The following TNFRSF10C variants were observed in gnomAD, a reference collection of about 807,000 sequenced individuals.
TNFRSF10C encodes tumor necrosis factor receptor superfamily member 10C.
Under a neutral mutation model 16.7 loss-of-function variants are expected in TNFRSF10C, and 17 were observed. The observed-to-expected ratio is 1.02, with a 90% confidence interval of 0.70 to 1.53. TNFRSF10C has a LOEUF of 1.53. TNFRSF10C is among the 40% of genes most tolerant of loss of function. TNFRSF10C has a pLI of 0.00. For missense variants in TNFRSF10C, 237 were observed against 329.7 expected (o/e 0.72, Z 2.18); for synonymous variants, 73 against 119.7 (o/e 0.61, Z 2.55).
In TNFRSF10C at chr8:23,115,499, T is replaced by G. The variant is rs1813963007; in HGVS notation, c.281-9T>G. On this transcript the variant is annotated splice_polypyrimidine_tract_variant and intron_variant, in intron 3 of 4. Coordinates refer to ENST00000356864, the MANE Select transcript of TNFRSF10C (RefSeq NM_003841.5). ...AACACATTCCCAAAACCTTATGCTCTGTTGTCAGATCAAAAACATAAAAGT... is the reference window on the plus strand; with the variant it reads ...AACACATTCCCAAAACCTTATGCTCGGTTGTCAGATCAAAAACATAAAAGT... 3.1e-6 allele frequency: 5 copies of G among 1,610,790 alleles called. No homozygotes were observed. The highest frequency in any genetic ancestry group is 4.2e-6 in the Non-Finnish European group (5 of 1,177,738).
At chr8:23,112,277 A>G (rs1429412493) in intron 2 of TNFRSF10C, among the ~76,000 whole-genome samples, 1 of 152,228 alleles carries the variant, frequency 6.6e-6, no homozygotes, top group Non-Finnish European at 1.5e-5. Flanking sequence ...GTTTTATGCA[A>G]TACTATCCCA....
intron 4 of TNFRSF10C, among the ~76,000 whole-genome samples, chr8:23,116,019 AT>A (rs992860155): frequency 5.3e-5 from 8 of 152,120 alleles, no homozygotes; most frequent in African/African-American, 1.7e-4. Context: ...TCTTTTTAAT[AT>A]TTTTTATGCA....
At position 23,103,067 on chromosome 8, in the gene TNFRSF10C, T is replaced by G; in HGVS notation, c.-55T>G. 6.3e-7 allele frequency: 1 copy of G among 1,589,506 alleles called. No homozygotes were observed. Among genetic ancestry groups the G allele is most frequent in the Non-Finnish European group, 8.6e-7 (1 of 1,168,616 alleles). On this transcript the variant is annotated 5_prime_UTR_variant, in exon 1 of 5. Transcript: ENST00000356864. ...CTGGGGACAGAGCGCCCCGGCCGCC[T>G]GATGGCCGAGGCAGGGTGCGACCCA...
intron 1 of TNFRSF10C, 164 bp downstream of exon 1, chr8:23,103,345 C>T (rs867254142): frequency 7.6e-7 from 1 of 1,319,760 alleles, no homozygotes; most frequent in South Asian, 1.3e-5. Context: ...ACTGGGTCCC[C>T]GGGCTGGGCA....
At chr8:23,111,617 C>T (rs1287731804) in intron 1 of TNFRSF10C, 103 bp from the exon 2 acceptor site, 1 of 893,822 alleles carries the variant, frequency 1.1e-6, no homozygotes, top group South Asian at 1.4e-5. Context: ...AATGTCCAAG[C>T]TCTGATGGGT....
rs186114162 is a variant in TNFRSF10C, at chr8:23,117,163, C to T, written c.*132C>T. On this transcript the variant is annotated 3_prime_UTR_variant, in exon 5 of 5. Coordinates refer to ENST00000356864, the MANE Select transcript of TNFRSF10C (RefSeq NM_003841.5). ...GTTCCCACAGACAGAAACGCCTGCC[C>T]CTGCCCCAAGTCCTGGTGTCTCCAG... 20 of 1,380,176 alleles carry T rather than the reference C, an allele frequency of 1.4e-5. No individual in the cohort carries two copies. The African/African-American group carries it at 2.7e-4, about 19-fold the overall frequency. The allele number at this position is 1,380,176 out of a possible 1,614,324, so 85.5% of individuals were successfully genotyped here. A position where few individuals can be genotyped will look rare whatever the true frequency, so the allele number is the denominator to read the frequency against.
intron 1 of TNFRSF10C, among the ~76,000 whole-genome samples, chr8:23,109,634 C>CA (rs57125788): frequency 2.3e-4 from 32 of 140,002 alleles, no homozygotes; most frequent in South Asian, 6.8e-4. Context: ...GACTCCATCT[C>CA]AAAAAAAAAA....
chr8:23,108,962 G>GAAC (rs144796506), intron 1 of TNFRSF10C, among the ~76,000 whole-genome samples: 17,094 of 152,096 alleles, frequency 0.11, 1,227 homozygotes, highest in East Asian at 0.33. Flanking sequence ...TTTTGATATT[G>GAAC]AACAACACAC....
At position 23,116,998 on chromosome 8, in the gene TNFRSF10C, A is replaced by G. The variant is rs1451212615; in HGVS notation, c.747A>G (p.Ile249Met). ...TCTCATGCACCATCGTAGGGATCATAGTTCTAATTGTGCTTCTGATTGTGT... is the reference window on the plus strand; with the variant it reads ...TCTCATGCACCATCGTAGGGATCATGGTTCTAATTGTGCTTCTGATTGTGT... ...HYLSCTIVGI[I>M]VLIVLLIVFV The change falls in exon 5 of 5, where the codon ATA (isoleucine) becomes ATG (methionine). Residue 249 changes from isoleucine to methionine, a missense_variant. Ile to Met is a conservative substitution (Grantham distance 10). Coordinates refer to ENST00000356864, the MANE Select transcript of TNFRSF10C (RefSeq NM_003841.5). The G allele has an allele frequency of 6.2e-7, 1 of 1,613,982 alleles. No homozygotes were observed. Among genetic ancestry groups the G allele is most frequent in the African/African-American group, 1.3e-5 (1 of 74,900 alleles).
At chr8:23,114,892 T>C in intron 3 of TNFRSF10C, 122 bp downstream of exon 3, 1 of 735,374 alleles carries the variant, frequency 1.4e-6, no homozygotes. Flanking sequence ...CCCTGTTCTA[T>C]GATTATATAT....
In TNFRSF10C at chr8:23,103,021, G is replaced by A; in HGVS notation, c.-101G>A. 1 of 1,556,100 alleles carries A rather than the reference G, an allele frequency of 6.4e-7. No individual in the cohort carries two copies. Among genetic ancestry groups the A allele is most frequent in the East Asian group, 2.4e-5 (1 of 41,752 alleles). ...CCAGAGATGCAAGGGGTGAAGGAGC[G>A]CTTCCTACCGTTAGGGAACTCTGGG... On this transcript the variant is annotated 5_prime_UTR_variant, in exon 1 of 5. Transcript: ENST00000356864.
At chr8:23,103,474 A>T (rs1287080359) in intron 1 of TNFRSF10C, 1 of 560,372 alleles carries the variant, frequency 1.8e-6, no homozygotes, top group African/African-American at 1.9e-5. Flanking sequence ...CCATAGAGTG[A>T]GCCTCCTGAA....
chr8:23,104,498 T>G (rs1185071248), intron 1 of TNFRSF10C, among the ~76,000 whole-genome samples: 925 of 152,272 alleles, frequency 6.1e-3, no homozygotes, highest in African/African-American at 0.019. Context: ...CTAAATACCC[T>G]TGTATGTATC....
intron 3 of TNFRSF10C, among the ~76,000 whole-genome samples, chr8:23,115,126 G>C (rs576642743): frequency 3.9e-5 from 6 of 151,984 alleles, no homozygotes; most frequent in Non-Finnish European, 8.8e-5. Flanking sequence ...GCCTCACTCA[G>C]CCTTCAGGTT....
intron 1 of TNFRSF10C, 55 bp downstream of exon 1, chr8:23,103,236 G>GGGCAGGGAGACGGGGACAC: frequency 6.3e-7 from 1 of 1,584,350 alleles, no homozygotes; most frequent in South Asian, 1.1e-5. Context: ...CGCCGGGAGG[G>GGGCAGGGAGACGGGGACAC]GGCAGGGAGA....
chr8:23,104,868 T>C (rs1410055021), intron 1 of TNFRSF10C, among the ~76,000 whole-genome samples: 1 of 152,186 alleles, frequency 6.6e-6, no homozygotes, highest in Non-Finnish European at 1.5e-5. Flanking sequence ...GACTGAATTC[T>C]GAGCTGTGCA....
At chr8:23,107,996 C>T (rs758729477) in intron 1 of TNFRSF10C, among the ~76,000 whole-genome samples, 3 of 152,130 alleles carry the variant, frequency 2.0e-5, no homozygotes, top group Admixed American at 2.0e-4. Flanking sequence ...GGATGAGATC[C>T]GAGTTACCCT....
intron 2 of TNFRSF10C, among the ~76,000 whole-genome samples, chr8:23,112,620 C>T (rs1170261869): frequency 1.3e-5 from 2 of 152,348 alleles, no homozygotes; most frequent in East Asian, 3.9e-4. Flanking sequence ...CCTCCAGCTT[C>T]ATCCATGCTG....
Position 23,110,861 on chromosome 8 carries a change from A to T in TNFRSF10C, c.61-859A>T, listed in dbSNP as rs367585898. The stretch of plus-strand genomic sequence containing the variant: ...GAGAGACAGAATTCACCTATTGGTC[A>T]ATTAAACACTTGGTGAAACTAAATA... On this transcript the variant is annotated intron_variant, in intron 1 of 4. Coordinates refer to ENST00000356864, the MANE Select transcript of TNFRSF10C (RefSeq NM_003841.5). Among the ~76,000 whole-genome samples, 187 of 152,336 alleles carry T rather than the reference A, an allele frequency of 1.2e-3. 5 individuals are homozygous for T. In the South Asian group the frequency reaches 0.033, roughly 27 times the overall value.
Sources: gnomAD v4.1 joint callset for allele counts (sites outside exome capture counted in the v4.1 genomes callset) on GRCh38, gnomAD v4.1.1 for gene constraint, MANE v1.5 for transcripts, NCBI Gene and HGNC (gene_info 2026-07-23, HGNC 2026-07-21) for gene names.